AKAP6: variants seen among roughly 807,000 people sequenced by gnomAD.
AKAP6 encodes the protein A-kinase anchor protein 6.
A neutral mutation model predicts 188.5 loss-of-function variants in AKAP6; 58 were observed. That is an observed-to-expected ratio of 0.31 (90% CI 0.25 to 0.38). The LOEUF (loss-of-function observed/expected upper bound fraction) is 0.38. Ranked by LOEUF, AKAP6 falls within the 10% of genes least tolerant of loss-of-function variation. The probability of loss-of-function intolerance (pLI) is 1.00; values close to 1 mark genes in which losing one functional copy is unlikely to be tolerated. For synonymous variants in AKAP6, 989 were observed against 998.6 expected (o/e 0.99, Z 0.18); for missense variants, 2,710 against 2,740.0 (o/e 0.99, Z 0.24).
At chr14:32,359,337 G>A (rs1887583537) in intron 1 of AKAP6, among the ~76,000 whole-genome samples, 1 of 152,014 alleles carries the variant, frequency 6.6e-6, no homozygotes, top group South Asian at 2.1e-4. Flanking sequence ...TTTTTAAATA[G>A]AAGTGTAAAA....
rs534160921 is a variant in AKAP6 at position 32,333,596 on chromosome 14, G to C, written c.-35+4188G>C. Among the ~76,000 whole-genome samples the C allele has an allele frequency of 9.9e-5, 15 of 152,152 alleles. No individual in the cohort carries two copies. In the South Asian group the frequency reaches 2.9e-3, roughly 29 times the overall value. ...GTGCACATTTGTATAGGTACATATA[G>C]CTATATGGTTTATATGTGGAGGTAA... On this transcript the variant is annotated intron_variant, in intron 1 of 13. Coordinates refer to ENST00000280979, the MANE Select transcript of AKAP6 (RefSeq NM_004274.5).
chr14:32,427,153 A>C (rs1890062095), intron 1 of AKAP6, among the ~76,000 whole-genome samples: 1 of 152,130 alleles, frequency 6.6e-6, no homozygotes, highest in Non-Finnish European at 1.5e-5. Context: ...CCCCTGGGGC[A>C]CTTGCAGTCC....
Position 32,515,173 on chromosome 14 carries a change from G to A in AKAP6, c.325-20381G>A, listed in dbSNP as rs114321688. On this transcript the variant is annotated intron_variant, in intron 2 of 13. Coordinates refer to ENST00000280979, the MANE Select transcript of AKAP6 (RefSeq NM_004274.5). ...GAAACAAAGGCAAGTCTTGCATGGC[G>A]GCAGGCAAGAGAGCTTGTGCAGGGG... 9.7e-3 allele frequency among the ~76,000 whole-genome samples: 1,470 copies of A among 152,238 alleles called. 29 individuals are homozygous for A. Among genetic ancestry groups the A allele is most frequent in the African/African-American group, 0.033 (1,363 of 41,554 alleles).
chr14:32,460,409 G>C (rs1464268249), intron 2 of AKAP6, among the ~76,000 whole-genome samples: 1 of 152,194 alleles, frequency 6.6e-6, no homozygotes, highest in Non-Finnish European at 1.5e-5. Flanking sequence ...GGGCTGGTTA[G>C]GTAGTGGGTC....
intron 2 of AKAP6, among the ~76,000 whole-genome samples, chr14:32,455,973 A>C (rs2138801368): frequency 6.6e-6 from 1 of 152,238 alleles, no homozygotes; most frequent in Non-Finnish European, 1.5e-5. Context: ...GATTAGAAGA[A>C]GGGATTTTAT....
chr14:32,482,328 G>T (rs1184814664), intron 2 of AKAP6, among the ~76,000 whole-genome samples: 1 of 152,080 alleles, frequency 6.6e-6, no homozygotes, highest in African/African-American at 2.4e-5. Context: ...GTTCAGTTTT[G>T]TTTAGCCATT....
intron 1 of AKAP6, among the ~76,000 whole-genome samples, chr14:32,371,097 A>G (rs1191308638): frequency 2.0e-5 from 2 of 101,816 alleles, no homozygotes; most frequent in Non-Finnish European, 4.5e-5. Context: ...CAGGAAAAGT[A>G]ACTAAGTCCT....
At position 32,724,990 on chromosome 14, in the gene AKAP6, TAAAAAAA is replaced by T. The variant is rs71432079; in HGVS notation, c.3001-7443_3001-7437del. On this transcript the variant is annotated intron_variant, in intron 9 of 13. Coordinates refer to ENST00000280979, the MANE Select transcript of AKAP6 (RefSeq NM_004274.5). ...GGCTTTGTGTCATTTATATTCAACC[TAAAAAAA>T]AAAAAAAAAAAAAAAAAAAACAATT... Among the ~76,000 whole-genome samples, 90 of 34,912 alleles carry T rather than the reference TAAAAAAA, an allele frequency of 2.6e-3. 1 individual carries two copies. Among genetic ancestry groups the T allele is most frequent in the Non-Finnish European group, 3.6e-3 (76 of 21,058 alleles). The allele number at this position is 34,912 out of a possible 152,430, so 22.9% of individuals were successfully genotyped here.
intron 2 of AKAP6, among the ~76,000 whole-genome samples, chr14:32,440,630 C>T (rs1890542098): frequency 6.6e-6 from 1 of 152,130 alleles, no homozygotes; most frequent in African/African-American, 2.4e-5. Flanking sequence ...AATTTTGGAA[C>T]ATATTATGCA....
At chr14:32,491,683 A>G (rs1225328525) in intron 2 of AKAP6, among the ~76,000 whole-genome samples, 1 of 152,234 alleles carries the variant, frequency 6.6e-6, no homozygotes, top group Non-Finnish European at 1.5e-5. Context: ...GAATATTTCC[A>G]ACTCCAGTGA....
intron 1 of AKAP6, among the ~76,000 whole-genome samples, chr14:32,415,435 A>T (rs548802814): frequency 1.8e-4 from 28 of 152,304 alleles, no homozygotes; most frequent in African/African-American, 6.7e-4. Context: ...AGATCTACAG[A>T]TACTTTTATC....
intron 1 of AKAP6, among the ~76,000 whole-genome samples, chr14:32,353,391 C>A (rs993438434): frequency 1.9e-4 from 29 of 152,220 alleles, no homozygotes; most frequent in Middle Eastern, 3.4e-3. Flanking sequence ...GAAACCCTGT[C>A]TCTACTAAAA....
intron 1 of AKAP6, among the ~76,000 whole-genome samples, chr14:32,357,368 A>G (rs546954246): frequency 2.0e-5 from 3 of 152,212 alleles, no homozygotes; most frequent in Non-Finnish European, 4.4e-5. Context: ...TATGAGTTCT[A>G]TATATAAAAG....
intron 7 of AKAP6, among the ~76,000 whole-genome samples, chr14:32,621,938 T>C (rs920605808): frequency 6.6e-6 from 1 of 152,144 alleles, no homozygotes; most frequent in African/African-American, 2.4e-5. Flanking sequence ...CATTTAAGTA[T>C]TATAATTGTT....
At chr14:32,726,285 T>G (rs1264420958) in intron 9 of AKAP6, 1 of 883,206 alleles carries the variant, frequency 1.1e-6, no homozygotes, top group Non-Finnish European at 1.4e-6. Context: ...TCTTTTACAG[T>G]TTGCTCAACA....
chr14:32,540,512 G>A (rs969737941), intron 3 of AKAP6, among the ~76,000 whole-genome samples: 4 of 152,020 alleles, frequency 2.6e-5, no homozygotes, highest in Admixed American at 2.6e-4. Context: ...TTCATAACAT[G>A]TTAAATGGAG....
intron 2 of AKAP6, among the ~76,000 whole-genome samples, chr14:32,472,976 T>C (rs1458214950): frequency 6.6e-6 from 1 of 152,180 alleles, no homozygotes; most frequent in Non-Finnish European, 1.5e-5. Context: ...GAAAATCTAG[T>C]TTAAACTGGT....
chr14:32,821,743 G>T lies in AKAP6; in HGVS notation c.3930G>T (p.Lys1310Asn). The T allele has an allele frequency of 6.2e-7, 1 of 1,613,716 alleles. No individual in the cohort carries two copies. Among genetic ancestry groups the T allele is most frequent in the Non-Finnish European group, 8.5e-7 (1 of 1,179,916 alleles). ...NHMPFLKNNPKVTGMTQPNVL... is the reference protein window; with the variant it reads ...NHMPFLKNNPNVTGMTQPNVL... ...TGCCATTTCTGAAAAACAATCCAAA[G>T]GTCACTGGCATGACACAGCCTAATG... The change falls in exon 13 of 14, where the codon AAG becomes AAT. Residue 1310 changes from lysine (K) to asparagine (N), a missense_variant. By Grantham distance (94) the Lys-to-Asn change is moderately conservative. Around this residue, in one of 2 missense-constraint regions of AKAP6, gnomAD observed 2,473 missense variants for 2,426.1 expected, o/e 1.02. Transcript: ENST00000280979.
At chr14:32,349,345 TC>T (rs980531584) in intron 1 of AKAP6, among the ~76,000 whole-genome samples, 3 of 152,152 alleles carry the variant, frequency 2.0e-5, no homozygotes, top group African/African-American at 7.2e-5. Flanking sequence ...AGAGATGTTT[TC>T]CACAAAGCTC....
Sources: allele counts gnomAD v4.1 joint callset (sites outside exome capture counted in the v4.1 genomes callset), GRCh38; gene constraint gnomAD v4.1.1; regional missense constraint gnomAD v4.1.1; transcripts MANE v1.5; gene names NCBI Gene and HGNC (gene_info 2026-07-23, HGNC 2026-07-21).